The following ACOT1 variants were observed in gnomAD, a reference collection of about 807,000 sequenced individuals.
The protein encoded by ACOT1 is acyl-coenzyme A thioesterase 1.
In ACOT1, 8 loss-of-function variants were observed where a neutral mutation model predicts 15.7. That is an observed-to-expected ratio of 0.51 (90% CI 0.30 to 0.92). The LOEUF (loss-of-function observed/expected upper bound fraction) is 0.92, where lower values mean the gene tolerates loss of function less well. ACOT1 is among the 40% of genes least tolerant of loss of function. ACOT1 has a pLI of 0.06. For synonymous variants in ACOT1, 67 were observed against 241.2 expected (o/e 0.28, Z 6.69); for missense variants, 151 against 539.4 (o/e 0.28, Z 7.13).
At chr14:73,522,720 CG>C in the ACOT1 span, 2 of 1,614,078 alleles carry the variant, frequency 1.2e-6, no homozygotes, top group Non-Finnish European at 1.7e-6. Flanking sequence ...AGCTTCTTTT[CG>C]GGATTGGCAG....
the ACOT1 span, chr14:73,493,287 A>C: frequency 4.0e-5 from 24 of 598,180 alleles, no homozygotes; most frequent in Non-Finnish European, 6.9e-5. Context: ...TGGAATTTGG[A>C]TCTTTCATCT....
the ACOT1 span, chr14:73,492,919 T>C: frequency 6.2e-7 from 1 of 1,613,334 alleles, no homozygotes; most frequent in Non-Finnish European, 8.5e-7. The surrounding 1 kb of genome is among the most constrained non-coding windows in gnomAD (Gnocchi z 4.9). Context: ...TGCTGCTCAC[T>C]AAGATGCCTC....
chr14:73,535,699 T>C (rs1888846611), upstream of ACOT1, among the ~76,000 whole-genome samples: 1 of 112,056 alleles, frequency 8.9e-6, no homozygotes, highest in Non-Finnish European at 1.9e-5. Context: ...CAGGATGGTG[T>C]CGATCTGCTG....
chr14:73,492,431 C>T, the ACOT1 span: 8 of 1,613,548 alleles, frequency 5.0e-6, no homozygotes, highest in Non-Finnish European at 6.8e-6. The surrounding 1 kb of genome is among the most constrained non-coding windows in gnomAD (Gnocchi z 4.9). Context: ...TTCTAAGGAT[C>T]CGCGAAGAAC....
chr14:73,537,408 G>T lies in ACOT1; in HGVS notation c.-14G>T. ...CTGAGGCAGTTTGGCCGGATTATTT[G>T]GGTTCCTGCTCGGATGGCGGCGACG... On this transcript the variant is annotated 5_prime_UTR_variant, in exon 1 of 3. Transcript: ENST00000311148. 1 of 1,234,456 alleles carries T rather than the reference G, an allele frequency of 8.1e-7. No individual in the cohort carries two copies. Among genetic ancestry groups the T allele is most frequent in the Non-Finnish European group, 1.1e-6 (1 of 931,708 alleles). 76.5% of individuals were successfully genotyped at this position (1,234,456 alleles called of 1,614,324 possible). A position where few individuals can be genotyped will look rare whatever the true frequency, so the allele number is the denominator to read the frequency against.
chr14:73,508,287 A>T, the ACOT1 span: 1 of 1,613,442 alleles, frequency 6.2e-7, no homozygotes, highest in Middle Eastern at 1.7e-4. Flanking sequence ...AGCTATCCAC[A>T]CTGTTACCTG....
chr14:73,500,654 C>T, the ACOT1 span: 36 of 1,614,002 alleles, frequency 2.2e-5, no homozygotes, highest in Non-Finnish European at 3.1e-5. Flanking sequence ...AGAAGCTTGG[C>T]GGTCATAAGC....
At chr14:73,493,259 C>G in the ACOT1 span, 1 of 690,256 alleles carries the variant, frequency 1.4e-6, no homozygotes, top group Non-Finnish European at 2.5e-6. Flanking sequence ...CTGCTTGAGA[C>G]AGATATTAGA....
rs1047675805 is a variant in ACOT1 at position 73,541,050 on chromosome 14, T to C, written c.458-443T>C. Among the ~76,000 whole-genome samples the C allele has an allele frequency of 6.1e-5, 7 of 114,454 alleles. 2 individuals are homozygous for C. Among genetic ancestry groups the C allele is most frequent in the Non-Finnish European group, 1.1e-4 (6 of 52,782 alleles). The allele number at this position is 114,454 out of a possible 152,430, so 75.1% of individuals were successfully genotyped here. On this transcript the variant is annotated intron_variant, in intron 1 of 2. Coordinates refer to ENST00000311148, the MANE Select transcript of ACOT1 (RefSeq NM_001037161.2). ...AGCCACCAGACCCAGCCTGCATTAT[T>C]ATTCTTTAATTTTGTGTGAAACACA...
the ACOT1 span, chr14:73,499,017 G>T: frequency 6.8e-7 from 1 of 1,472,904 alleles, no homozygotes; most frequent in Non-Finnish European, 9.5e-7. Flanking sequence ...ATTTCTACTT[G>T]CATAGGCAAA....
chr14:73,519,204 C>A, the ACOT1 span: 1 of 1,566,728 alleles, frequency 6.4e-7, no homozygotes, highest in Non-Finnish European at 8.7e-7. Flanking sequence ...CTATAACCTC[C>A]CTATTTCCTT....
chr14:73,514,092 C>G, the ACOT1 span: 3 of 1,614,100 alleles, frequency 1.9e-6, no homozygotes, highest in Non-Finnish European at 2.5e-6. Flanking sequence ...GTTCCCAGGT[C>G]ACATCCTCCT....
the ACOT1 span, chr14:73,508,184 C>T: frequency 6.2e-7 from 1 of 1,613,814 alleles, no homozygotes; most frequent in Non-Finnish European, 8.5e-7. Context: ...TCCTCAGTGT[C>T]CTCATTCTTC....
chr14:73,525,668 T>G, the ACOT1 span, among the ~76,000 whole-genome samples: 1 of 152,170 alleles, frequency 6.6e-6, no homozygotes, highest in South Asian at 2.1e-4. Context: ...GAAAGCACCT[T>G]TAGGCCGGAT....
chr14:73,491,240 C>G, the ACOT1 span: 4 of 1,589,300 alleles, frequency 2.5e-6, no homozygotes, highest in South Asian at 2.3e-5. Context: ...GGCCGACGAC[C>G]TGGGGGACGC....
chr14:73,515,102 A>G, the ACOT1 span, among the ~76,000 whole-genome samples: 2 of 151,920 alleles, frequency 1.3e-5, no homozygotes, highest in East Asian at 3.9e-4. Flanking sequence ...CTATAGTTAT[A>G]TTTTCTGAAC....
the ACOT1 span, chr14:73,490,967 T>C: frequency 7.6e-7 from 1 of 1,308,918 alleles, no homozygotes; most frequent in South Asian, 2.3e-5. Flanking sequence ...CAGGAACCGC[T>C]TTAGCTTCGC....
chr14:73,493,442 C>A, the ACOT1 span: 1 of 275,024 alleles, frequency 3.6e-6, no homozygotes, highest in Non-Finnish European at 7.3e-6. Context: ...CGAAGAAATG[C>A]AGGAGCGGGA....
the ACOT1 span, among the ~76,000 whole-genome samples, chr14:73,508,635 G>C: frequency 6.6e-6 from 1 of 151,044 alleles, no homozygotes; most frequent in Admixed American, 6.7e-5. Context: ...TGTAATCCCA[G>C]CTACTTGGGA....
Sources: allele counts gnomAD v4.1 joint callset (sites outside exome capture counted in the v4.1 genomes callset), GRCh38; gene constraint gnomAD v4.1.1; non-coding constraint Gnocchi (gnomAD v3.1); transcripts MANE v1.5; gene names NCBI Gene and HGNC (gene_info 2026-07-23, HGNC 2026-07-21).